The following ZBTB20 variants were observed in gnomAD, a reference collection of about 807,000 sequenced individuals.
ZBTB20 encodes zinc finger and BTB domain containing 20, also known as zinc finger and BTB domain-containing protein 20.
ZBTB20 carries 9 observed loss-of-function variants against 56.9 expected under a neutral mutation model. The observed-to-expected ratio is 0.16, with a 90% CI of 0.10 to 0.28. ZBTB20 has a LOEUF of 0.28. Among genes scored for constraint, ZBTB20 ranks in the 10% least tolerant of loss-of-function variants. The pLI is 1.00. For missense variants in ZBTB20, 655 were observed against 1,003.0 expected (o/e 0.65, Z 4.69); for synonymous variants, 417 against 420.7 (o/e 0.99, Z 0.11).
chr3:115,129,458 C>G (rs1411877466), intron 1 of ZBTB20, among the ~76,000 whole-genome samples: 1 of 152,082 alleles, frequency 6.6e-6, no homozygotes, highest in Non-Finnish European at 1.5e-5. Context: ...TGTTATCAAC[C>G]AACTAATGTA....
chr3:115,146,983 G>GGGGCGC (rs1470463778), intron 1 of ZBTB20, among the ~76,000 whole-genome samples: 2 of 150,202 alleles, frequency 1.3e-5, no homozygotes, highest in African/African-American at 4.9e-5. Context: ...GCCGGGGGAG[G>GGGGCGC]GGGCGCGGGC....
intron 4 of ZBTB20, among the ~76,000 whole-genome samples, chr3:114,875,185 C>A (rs2076148505): frequency 6.6e-6 from 1 of 152,072 alleles, no homozygotes; most frequent in African/African-American, 2.4e-5. Context: ...GCATAATTAA[C>A]CTGATTAGCA....
chr3:114,859,731 CT>C (rs894863542), intron 4 of ZBTB20, among the ~76,000 whole-genome samples: 14 of 151,580 alleles, frequency 9.2e-5, no homozygotes, highest in South Asian at 2.1e-4. Flanking sequence ...TGAAGAAATA[CT>C]TTTTTTTGAT....
chr3:114,581,245 G>C (rs1434459857), intron 6 of ZBTB20, among the ~76,000 whole-genome samples: 1 of 151,950 alleles, frequency 6.6e-6, no homozygotes, highest in Non-Finnish European at 1.5e-5. Flanking sequence ...TAGGGTGCAT[G>C]TAGGGTACCA....
chr3:114,957,417 T>C (rs1250066424), intron 3 of ZBTB20, among the ~76,000 whole-genome samples: 1 of 152,182 alleles, frequency 6.6e-6, no homozygotes, highest in Non-Finnish European at 1.5e-5. Flanking sequence ...TACTGTCTTA[T>C]GAAATTTTGT....
chr3:114,473,505 C>T (rs2040387399), intron 7 of ZBTB20, among the ~76,000 whole-genome samples: 1 of 151,958 alleles, frequency 6.6e-6, no homozygotes, highest in African/African-American at 2.4e-5. Flanking sequence ...AATTTCCAAC[C>T]CAGGATGTGT....
intron 7 of ZBTB20, among the ~76,000 whole-genome samples, chr3:114,497,685 T>A (rs1170198349): frequency 6.6e-6 from 1 of 152,218 alleles, no homozygotes; most frequent in East Asian, 1.9e-4. Flanking sequence ...TATGCTATAG[T>A]CTTTATTCAC....
intron 2 of ZBTB20, among the ~76,000 whole-genome samples, chr3:115,029,343 G>C (rs1004891279): frequency 3.3e-5 from 5 of 150,658 alleles, no homozygotes; most frequent in South Asian, 4.2e-4. Flanking sequence ...AATTGAAGGG[G>C]GGGGGCAGTG....
At chr3:114,926,987 CT>C (rs2076182388) in intron 3 of ZBTB20, among the ~76,000 whole-genome samples, 2 of 152,128 alleles carry the variant, frequency 1.3e-5, no homozygotes, top group Admixed American at 1.3e-4. Flanking sequence ...TCAATCAATC[CT>C]CCCTGCTTGG....
intron 5 of ZBTB20, among the ~76,000 whole-genome samples, chr3:114,794,225 A>C (rs1336494052): frequency 6.6e-6 from 1 of 152,106 alleles, no homozygotes; most frequent in Non-Finnish European, 1.5e-5. Flanking sequence ...AGGATTACAG[A>C]CAACTCTTTA....
intron 4 of ZBTB20, among the ~76,000 whole-genome samples, chr3:114,866,672 T>A (rs1234841097): frequency 6.6e-6 from 1 of 152,180 alleles, no homozygotes; most frequent in Non-Finnish European, 1.5e-5. Context: ...TCACAGGTAA[T>A]AGGGAATTTC....
intron 4 of ZBTB20, among the ~76,000 whole-genome samples, chr3:114,806,937 G>T (rs1171750932): frequency 6.6e-6 from 1 of 151,792 alleles, no homozygotes; most frequent in Non-Finnish European, 1.5e-5. Flanking sequence ...AAAATATGAT[G>T]AATTTTCTGA....
chr3:114,787,962 G>C (rs2070678609), intron 5 of ZBTB20, among the ~76,000 whole-genome samples: 1 of 152,032 alleles, frequency 6.6e-6, no homozygotes, highest in African/African-American at 2.4e-5. Flanking sequence ...GTCTCTAATA[G>C]TTCATTACAG....
At chr3:114,815,952 T>G (rs1016220267) in intron 4 of ZBTB20, among the ~76,000 whole-genome samples, 15 of 152,180 alleles carry the variant, frequency 9.9e-5, no homozygotes, top group Admixed American at 4.6e-4. Context: ...ACTACAACAT[T>G]AATATGAAGA....
chr3:114,849,780 A>T (rs182816148), intron 4 of ZBTB20, among the ~76,000 whole-genome samples: 93 of 152,334 alleles, frequency 6.1e-4, no homozygotes, highest in African/African-American at 2.0e-3. Flanking sequence ...ATATGAAAAA[A>T]TAATTGCCTA....
At chr3:115,115,616 T>C (rs1348244076) in intron 1 of ZBTB20, among the ~76,000 whole-genome samples, 2 of 152,100 alleles carry the variant, frequency 1.3e-5, no homozygotes, top group Admixed American at 6.5e-5. Context: ...AATGTGATAG[T>C]TTGTTGCCAT....
At chr3:114,896,311 CA>C (rs2074876562) in intron 4 of ZBTB20, among the ~76,000 whole-genome samples, 1 of 152,012 alleles carries the variant, frequency 6.6e-6, no homozygotes. Context: ...TATTCATAGC[CA>C]AATTGTTCAT....
chr3:115,129,565 T>C (rs2084441104), intron 1 of ZBTB20, among the ~76,000 whole-genome samples: 1 of 152,202 alleles, frequency 6.6e-6, no homozygotes, highest in African/African-American at 2.4e-5. Context: ...TTTCAAAGCA[T>C]TTATGCTAGA....
intron 6 of ZBTB20, among the ~76,000 whole-genome samples, chr3:114,603,707 C>A (rs951523419): frequency 6.6e-6 from 1 of 151,748 alleles, no homozygotes; most frequent in Admixed American, 6.6e-5. Flanking sequence ...GAAAGACTAA[C>A]AACCCAATAG....
Sources: allele counts gnomAD v4.1 joint callset (sites outside exome capture counted in the v4.1 genomes callset), GRCh38; gene constraint gnomAD v4.1.1; transcripts MANE v1.5; gene names NCBI Gene and HGNC (gene_info 2026-07-23, HGNC 2026-07-21).